Variants in DLG2 observed in about 807,000 individuals in gnomAD.
The protein encoded by DLG2 is disks large homolog 2.
A neutral mutation model predicts 132.5 loss-of-function variants in DLG2; 45 were observed. The observed-to-expected ratio is 0.34, with a 90% confidence interval of 0.27 to 0.44. The LOEUF is 0.44. DLG2 is among the 20% of genes least tolerant of loss of function. DLG2 has a pLI of 1.00. For synonymous variants in DLG2, 424 were observed against 419.6 expected (o/e 1.01, Z -0.13); for missense variants, 1,045 against 1,196.9 (o/e 0.87, Z 1.87).
chr11:84,610,197 C>A (rs1593681813), intron 6 of DLG2, among the ~76,000 whole-genome samples: 1 of 151,884 alleles, frequency 6.6e-6, no homozygotes, highest in Non-Finnish European at 1.5e-5. Context: ...CTGAATATTG[C>A]CAGTAATATT....
chr11:85,079,069 G>A (rs1178825899), intron 6 of DLG2, among the ~76,000 whole-genome samples: 1 of 152,090 alleles, frequency 6.6e-6, no homozygotes, highest in African/African-American at 2.4e-5. Context: ...TGGTACACTT[G>A]TTCAGTCTGG....
chr11:84,965,193 T>G (rs1315980543), intron 6 of DLG2, among the ~76,000 whole-genome samples: 1 of 152,114 alleles, frequency 6.6e-6, no homozygotes, highest in Non-Finnish European at 1.5e-5. Context: ...GGGAAAATAT[T>G]AAGCCAAATT....
chr11:84,025,567 A>G (rs1024256201), intron 11 of DLG2, among the ~76,000 whole-genome samples: 1 of 152,150 alleles, frequency 6.6e-6, no homozygotes, highest in Non-Finnish European at 1.5e-5. Flanking sequence ...TGGTATCATG[A>G]TTTATTTGAA....
At chr11:84,224,363 G>T (rs531489930) in intron 8 of DLG2, among the ~76,000 whole-genome samples, 3 of 152,216 alleles carry the variant, frequency 2.0e-5, no homozygotes, top group African/African-American at 7.2e-5. Flanking sequence ...GTCTTAAGAG[G>T]CTGTTTGTTT....
At chr11:85,543,191 T>G (rs11821005) in intron 3 of DLG2, among the ~76,000 whole-genome samples, 37,539 of 152,036 alleles carry the variant, frequency 0.25, 5,270 homozygotes, top group East Asian at 0.38. Context: ...CTGTGCCCAT[T>G]TGTTCTCATC....
intron 6 of DLG2, among the ~76,000 whole-genome samples, chr11:84,766,397 CT>C (rs1055548590): frequency 2.6e-5 from 4 of 151,918 alleles, no homozygotes; most frequent in African/African-American, 9.7e-5. Context: ...ACCATGTCTT[CT>C]TTTTTCTTAT....
At chr11:83,798,002 A>G (rs1403828081) in intron 17 of DLG2, among the ~76,000 whole-genome samples, 1 of 152,214 alleles carries the variant, frequency 6.6e-6, no homozygotes, top group Non-Finnish European at 1.5e-5. Context: ...ACAGGAAGGG[A>G]ATATGCAGGA....
chr11:84,985,945 T>C (rs1427146246), intron 6 of DLG2, among the ~76,000 whole-genome samples: 7 of 124,720 alleles, frequency 5.6e-5, no homozygotes, highest in South Asian at 5.1e-4. Flanking sequence ...TGTGCCACGA[T>C]TGCACCATTG....
intron 18 of DLG2, among the ~76,000 whole-genome samples, chr11:83,699,638 A>G (rs919709589): frequency 5.0e-4 from 76 of 151,414 alleles, no homozygotes; most frequent in African/African-American, 1.8e-3. Flanking sequence ...TGAACCCAGG[A>G]GGTGGAGCCT....
chr11:84,734,150 A>G (rs1333617600), intron 6 of DLG2, among the ~76,000 whole-genome samples: 1 of 152,102 alleles, frequency 6.6e-6, no homozygotes, highest in Non-Finnish European at 1.5e-5. Context: ...TGAACTTTAA[A>G]GAAGTTTTTT....
chr11:83,525,419 CT>C (rs1420170805), intron 21 of DLG2, among the ~76,000 whole-genome samples: 1 of 152,166 alleles, frequency 6.6e-6, no homozygotes, highest in East Asian at 1.9e-4. Flanking sequence ...GCTATTGAAG[CT>C]GCAAAATTCC....
At chr11:85,224,616 G>A (rs2074862695) in intron 4 of DLG2, among the ~76,000 whole-genome samples, 2 of 152,124 alleles carry the variant, frequency 1.3e-5, no homozygotes, top group South Asian at 4.1e-4. Flanking sequence ...AAAACTCTTA[G>A]TAATAAGTCA....
At chr11:85,365,141 A>G (rs1320841127) in intron 3 of DLG2, among the ~76,000 whole-genome samples, 1 of 152,204 alleles carries the variant, frequency 6.6e-6, no homozygotes, top group African/African-American at 2.4e-5. Flanking sequence ...TAACTTAAAA[A>G]AAATCATTAG....
At chr11:84,565,803 A>G (rs1266079683) in intron 6 of DLG2, among the ~76,000 whole-genome samples, 1 of 152,086 alleles carries the variant, frequency 6.6e-6, no homozygotes, top group Non-Finnish European at 1.5e-5. Flanking sequence ...AAATCCTTGA[A>G]GGCAGGAGCT....
intron 5 of DLG2, among the ~76,000 whole-genome samples, chr11:85,150,781 C>T (rs577735881): frequency 1.3e-5 from 2 of 148,220 alleles, no homozygotes; most frequent in African/African-American, 2.5e-5. Flanking sequence ...CTTCTGTTAA[C>T]GGACATTTGG....
At chr11:84,140,124 C>T (rs1272306378) in intron 9 of DLG2, among the ~76,000 whole-genome samples, 6 of 152,020 alleles carry the variant, frequency 3.9e-5, no homozygotes, top group African/African-American at 1.2e-4. Flanking sequence ...AAAAAAACCA[C>T]AGTCACAAGA....
intron 7 of DLG2, among the ~76,000 whole-genome samples, chr11:84,514,105 G>A (rs962596806): frequency 9.2e-5 from 14 of 152,020 alleles, no homozygotes; most frequent in East Asian, 5.8e-4. Flanking sequence ...CAACATCACC[G>A]ATCATCAGAG....
Position 85,465,150 on chromosome 11 carries a change from T to A in DLG2, c.40+133507A>T, listed in dbSNP as rs1451007622. On this transcript the variant is annotated intron_variant, in intron 3 of 27. Coordinates refer to ENST00000376104, the MANE Select transcript of DLG2 (RefSeq NM_001142699.3). Reference sequence around the variant, plus strand: ...AAGATGGAGTCAACAATATAAGATTTTTTTTTTTTTGAAACAGGGTCTTTC... The same window carrying A: ...AAGATGGAGTCAACAATATAAGATTATTTTTTTTTTGAAACAGGGTCTTTC... Among the ~76,000 whole-genome samples, 1,320 of 138,432 alleles carry A rather than the reference T, an allele frequency of 9.5e-3. 54 individuals carry two copies. Among genetic ancestry groups the A allele is most frequent in the African/African-American group, 0.034 (1,234 of 36,432 alleles). 90.8% of individuals were successfully genotyped at this position (138,432 alleles called of 152,430 possible). A position where few individuals can be genotyped will look rare whatever the true frequency, so the allele number is the denominator to read the frequency against.
intron 16 of DLG2, among the ~76,000 whole-genome samples, chr11:83,857,016 G>A (rs570566386): frequency 6.6e-6 from 1 of 152,148 alleles, no homozygotes; most frequent in African/African-American, 2.4e-5. Context: ...TATAAGAAAG[G>A]AGTACAGTTT....
Sources: gnomAD v4.1 joint callset for allele counts (sites outside exome capture counted in the v4.1 genomes callset) on GRCh38, gnomAD v4.1.1 for gene constraint, MANE v1.5 for transcripts, NCBI Gene and HGNC (gene_info 2026-07-23, HGNC 2026-07-21) for gene names.